The following METTL15 variants were observed in gnomAD, a reference collection of about 807,000 sequenced individuals.
METTL15 encodes methyltransferase 15, mitochondrial 12S rRNA N4-cytidine.
In METTL15, 34 loss-of-function variants were observed where a neutral mutation model predicts 38.3. That is an observed-to-expected ratio of 0.89 (90% confidence interval 0.68 to 1.18). METTL15 has a LOEUF of 1.18. METTL15 is among the 50% of genes most tolerant of loss of function. The pLI is 0.00. For synonymous variants in METTL15, 162 were observed against 170.9 expected (o/e 0.95, Z 0.41); for missense variants, 438 against 498.4 (o/e 0.88, Z 1.15).
At chr11:28,425,271 T>G (rs906099291) in intron 6 of METTL15, among the ~76,000 whole-genome samples, 1 of 152,234 alleles carries the variant, frequency 6.6e-6, no homozygotes, top group African/African-American at 2.4e-5. Context: ...AAAGTAATGT[T>G]TCCAAAATAT....
Position 28,211,114 on chromosome 11 carries a change from A to G in METTL15, c.323A>G (p.Gln108Arg). The change falls in exon 4 of 7, where the codon CAG becomes CGG. Residue 108 changes from glutamine to arginine, a missense_variant. By Grantham distance (43) the Gln-to-Arg change is conservative. Coordinates refer to ENST00000407364, the MANE Select transcript of METTL15 (RefSeq NM_001113528.2). ...GGAGGGCACACAAAAGCCATTCTGC[A>G]GAAGGAGTCAGATATTGTTCTCTAT... ...GSGGHTKAIL[Q>R]KESDIVLYAL... The G allele has an allele frequency of 1.2e-6, 2 of 1,612,620 alleles. No individual in the cohort carries two copies. The highest frequency in any genetic ancestry group is 1.7e-6 in the Non-Finnish European group (2 of 1,179,184).
chr11:28,109,714 T>A (rs1027746149), intron 1 of METTL15, among the ~76,000 whole-genome samples: 1 of 152,244 alleles, frequency 6.6e-6, no homozygotes, highest in Admixed American at 6.5e-5. Flanking sequence ...TTTTAAAGTT[T>A]GTCTTTTTTG....
At chr11:28,114,564 C>T (rs1851861391) in intron 3 of METTL15, among the ~76,000 whole-genome samples, 1 of 152,102 alleles carries the variant, frequency 6.6e-6, no homozygotes. Flanking sequence ...GATTCTCTTG[C>T]CTGAGCCTCC....
At chr11:28,456,855 T>C (rs7103868) in intron 6 of METTL15, among the ~76,000 whole-genome samples, 61,591 of 151,994 alleles carry the variant, frequency 0.41, 14,286 homozygotes, top group Admixed American at 0.53. Flanking sequence ...GCACCAGATA[T>C]GTGGATGAAG....
chr11:28,393,699 T>A (rs1850536544), intron 5 of METTL15, among the ~76,000 whole-genome samples: 1 of 152,052 alleles, frequency 6.6e-6, no homozygotes, highest in African/African-American at 2.4e-5. Context: ...CCATAATGCC[T>A]TTTATGATCT....
intron 4 of METTL15, among the ~76,000 whole-genome samples, chr11:28,287,881 A>G (rs1300426408): frequency 5.9e-5 from 9 of 152,086 alleles, no homozygotes. Flanking sequence ...ACCAGGGGGC[A>G]ACCCAACCTC....
chr11:28,459,580 A>T (rs1030129403), intron 6 of METTL15, among the ~76,000 whole-genome samples: 3 of 152,142 alleles, frequency 2.0e-5, no homozygotes, highest in Non-Finnish European at 4.4e-5. Context: ...TACTCCTATG[A>T]TCAATTTTAG....
intron 6 of METTL15, among the ~76,000 whole-genome samples, chr11:28,316,598 G>C (rs974850586): frequency 2.1e-4 from 32 of 152,116 alleles, no homozygotes; most frequent in Admixed American, 9.2e-4. Flanking sequence ...GTGAAGATAG[G>C]ATATTTGGGA....
intron 4 of METTL15, among the ~76,000 whole-genome samples, chr11:28,271,942 G>C (rs1029566360): frequency 6.6e-6 from 1 of 152,152 alleles, no homozygotes; most frequent in Non-Finnish European, 1.5e-5. Flanking sequence ...AGACATTTAC[G>C]TGGTCAACAA....
At chr11:28,365,392 T>C (rs1195190479) in intron 5 of METTL15, among the ~76,000 whole-genome samples, 1 of 152,168 alleles carries the variant, frequency 6.6e-6, no homozygotes, top group Non-Finnish European at 1.5e-5. Flanking sequence ...TTCTTCCTGA[T>C]TCAATCTTAG....
intron 3 of METTL15, among the ~76,000 whole-genome samples, chr11:28,142,406 AG>A (rs1360973974): frequency 6.6e-6 from 1 of 152,214 alleles, no homozygotes; most frequent in African/African-American, 2.4e-5. Context: ...TAAGTGTTAA[AG>A]GAAGAAGGAA....
intron 6 of METTL15, among the ~76,000 whole-genome samples, chr11:28,485,973 C>A (rs751387566): frequency 6.6e-6 from 1 of 152,096 alleles, no homozygotes; most frequent in South Asian, 2.1e-4. Flanking sequence ...AATTAGGACC[C>A]GACTCTTAAG....
At chr11:28,251,046 C>A (rs1162831082) in intron 4 of METTL15, among the ~76,000 whole-genome samples, 5 of 151,996 alleles carry the variant, frequency 3.3e-5, no homozygotes, top group Non-Finnish European at 5.9e-5. Context: ...CCTTCAATCA[C>A]CTTTGAAATA....
At chr11:28,148,139 A>G (rs2133679887) in intron 3 of METTL15, among the ~76,000 whole-genome samples, 1 of 151,980 alleles carries the variant, frequency 6.6e-6, no homozygotes, top group African/African-American at 2.4e-5. Flanking sequence ...TATCTTGGGA[A>G]TATAGTTTTT....
rs190399747 is a variant in METTL15 at position 28,452,367 on chromosome 11, C to T, written c.*424+28003C>T. Among the ~76,000 whole-genome samples the T allele has an allele frequency of 8.5e-5, 13 of 152,320 alleles. No homozygotes were observed. In the East Asian group the frequency reaches 2.1e-3, roughly 25 times the overall value. The stretch of plus-strand genomic sequence containing the variant: ...TATAAATGGTCTGCAGTTTCCCATT[C>T]CTTCATTCTGTAAAATCAATTGCTT... On this transcript the variant is annotated intron_variant and NMD_transcript_variant, in intron 6 of 7. Transcript: ENST00000532947.
chr11:28,164,370 A>G (rs931033525), intron 3 of METTL15, among the ~76,000 whole-genome samples: 1 of 151,994 alleles, frequency 6.6e-6, no homozygotes, highest in Admixed American at 6.6e-5. Flanking sequence ...TTAATTCACT[A>G]TTGATACTGT....
intron 5 of METTL15, among the ~76,000 whole-genome samples, chr11:28,385,666 T>C (rs1850432213): frequency 6.6e-6 from 1 of 152,172 alleles, no homozygotes; most frequent in Non-Finnish European, 1.5e-5. Context: ...AAAATAGTTG[T>C]TTCTAATTCT....
At chr11:28,516,857 C>T (rs1051688869) in intron 6 of METTL15, 1 of 152,110 alleles carries the variant, frequency 6.6e-6, no homozygotes, top group African/African-American at 2.4e-5. Context: ...ATCGGAATGC[C>T]CATAGACATC....
intron 4 of METTL15, among the ~76,000 whole-genome samples, chr11:28,282,752 A>G (rs1043340113): frequency 1.3e-5 from 2 of 152,190 alleles, no homozygotes; most frequent in Admixed American, 1.3e-4. Flanking sequence ...CATATGGTCC[A>G]TTCATCATCT....
Sources: allele counts gnomAD v4.1 joint callset (sites outside exome capture counted in the v4.1 genomes callset), GRCh38; gene constraint gnomAD v4.1.1; transcripts MANE v1.5; gene names NCBI Gene and HGNC (gene_info 2026-07-23, HGNC 2026-07-21).